Variants in PTPRU observed in about 807,000 individuals in gnomAD.
PTPRU encodes the protein receptor-type tyrosine-protein phosphatase U.
Under a neutral mutation model 166.3 loss-of-function variants are expected in PTPRU, and 69 were observed. The ratio of observed to expected loss-of-function variants is 0.41; its 90% confidence interval spans 0.34 to 0.51. The LOEUF (loss-of-function observed/expected upper bound fraction) is 0.51. Ranked by LOEUF, PTPRU falls within the 20% of genes least tolerant of loss-of-function variation. PTPRU has a pLI of 0.09. For missense variants in PTPRU, 1,657 were observed against 2,013.7 expected (o/e 0.82, Z 3.39); for synonymous variants, 793 against 814.0 (o/e 0.97, Z 0.44).
At chr1:29,299,661 A>C (rs1687050936) in intron 15 of PTPRU, among the ~76,000 whole-genome samples, 1 of 152,004 alleles carries the variant, frequency 6.6e-6, no homozygotes, top group South Asian at 2.1e-4. Context: ...GCCTTTCAGG[A>C]TCTCTGGGAT....
At chr1:29,243,973 G>T (rs565166083) in intron 1 of PTPRU, among the ~76,000 whole-genome samples, 1 of 152,304 alleles carries the variant, frequency 6.6e-6, no homozygotes, top group East Asian at 1.9e-4. Flanking sequence ...TCCAGATGAC[G>T]CAGGAGGTCT....
At position 29,259,991 on chromosome 1, in the gene PTPRU, C is replaced by T. The variant is rs1412449815; in HGVS notation, c.797C>T (p.Ser266Phe). The T allele has an allele frequency of 1.4e-5, 21 of 1,516,684 alleles. 1 individual carries two copies. Among genetic ancestry groups the T allele is most frequent in the Non-Finnish European group, 1.7e-5 (19 of 1,140,726 alleles). The allele number at this position is 1,516,684 out of a possible 1,614,324, so 94.0% of individuals were successfully genotyped here. A position where few individuals can be genotyped will look rare whatever the true frequency, so the allele number is the denominator to read the frequency against. ...GAGCAGGACCTGTACCGCTGTGTGTCCCAGGCCCCGCGCGGCGCGGGCGTC... is the reference window on the plus strand; with the variant it reads ...GAGCAGGACCTGTACCGCTGTGTGTTCCAGGCCCCGCGCGGCGCGGGCGTC... ...RAEQDLYRCV[S>F]QAPRGAGVSN... Residue 266 changes from serine (S) to phenylalanine (F), a missense_variant, in exon 6 of 30, where the codon TCC (serine) becomes TTC (phenylalanine). By Grantham distance (155) the Ser-to-Phe change is radical. Around this residue, in one of 3 missense-constraint regions of PTPRU, gnomAD observed 453 missense variants for 496.9 expected, o/e 0.91. Transcript: ENST00000373779.
intron 15 of PTPRU, among the ~76,000 whole-genome samples, chr1:29,302,216 G>A (rs1557467040): frequency 3.5e-5 from 5 of 144,556 alleles, no homozygotes; most frequent in Non-Finnish European, 4.5e-5. Flanking sequence ...TTTAAAAAAC[G>A]AAAAAAAATT....
At chr1:29,310,345 G>A (rs942997253) in intron 18 of PTPRU, among the ~76,000 whole-genome samples, 8 of 152,040 alleles carry the variant, frequency 5.3e-5, no homozygotes, top group Non-Finnish European at 1.2e-4. Flanking sequence ...GTTATCCCAC[G>A]TGTGGGATCT....
chr1:29,248,551 T>C (rs917589231), intron 1 of PTPRU, among the ~76,000 whole-genome samples: 3 of 152,196 alleles, frequency 2.0e-5, no homozygotes, highest in Admixed American at 6.5e-5. Context: ...CTCTTGGGAA[T>C]TGGATGTTCT....
intron 15 of PTPRU, among the ~76,000 whole-genome samples, chr1:29,292,409 C>T (rs1214563564): frequency 1.3e-5 from 2 of 152,158 alleles, no homozygotes; most frequent in African/African-American, 4.8e-5. Context: ...CTCTCCCTTT[C>T]TTAGCTGTGT....
At chr1:29,252,807 G>C (rs1215410228) in intron 1 of PTPRU, among the ~76,000 whole-genome samples, 2 of 152,194 alleles carry the variant, frequency 1.3e-5, no homozygotes, top group Admixed American at 6.5e-5. Context: ...CAACACAGGA[G>C]GCCTCTGTGA....
intron 14 of PTPRU, among the ~76,000 whole-genome samples, chr1:29,289,027 C>T (rs571290874): frequency 6.6e-6 from 1 of 152,130 alleles, no homozygotes; most frequent in East Asian, 1.9e-4. Context: ...CTAGTTGTGT[C>T]CTGGGCATAC....
At chr1:29,268,510 A>C (rs1685401281) in intron 7 of PTPRU, among the ~76,000 whole-genome samples, 1 of 152,230 alleles carries the variant, frequency 6.6e-6, no homozygotes, top group Admixed American at 6.5e-5. Context: ...AAATGTTCAT[A>C]GTGCTGAGGT....
At chr1:29,242,723 T>G (rs2819605) in intron 1 of PTPRU, among the ~76,000 whole-genome samples, 144,392 of 152,176 alleles carry the variant, frequency 0.95, 68,654 homozygotes, top group Non-Finnish European at 0.99. Context: ...CTTCAGTGAG[T>G]CCTGGGCATC....
In PTPRU at chr1:29,311,742, AC is replaced by A. The variant is rs1190514546; in HGVS notation, c.3056del (p.Thr1019IlefsTer42). 6.2e-7 allele frequency: 1 copy of A among 1,613,938 alleles called. No individual in the cohort carries two copies. Among genetic ancestry groups the A allele is most frequent in the Non-Finnish European group, 8.5e-7 (1 of 1,179,958 alleles). On this transcript the variant is annotated frameshift_variant, in exon 21 of 30. Coordinates refer to ENST00000373779, the MANE Select transcript of PTPRU (RefSeq NM_133178.4). LOFTEE classifies it high-confidence loss of function. The surrounding 1 kb of genome is among the most constrained non-coding windows in gnomAD (Gnocchi z 4.1). ...TETLAEYVVR[T>X]FALERRGYSA... ...GACCCTGGCTGAGTATGTCGTGCGC[AC>A]TTTTGCCCTGGAGCGGGTGAGTCTC...
At chr1:29,261,678 A>G (rs1188665977) in intron 7 of PTPRU, among the ~76,000 whole-genome samples, 1 of 152,086 alleles carries the variant, frequency 6.6e-6, no homozygotes, top group African/African-American at 2.4e-5. Context: ...GATTACAGGC[A>G]TGCTCCACCA....
At chr1:29,307,103 A>T (rs1047101187) in intron 18 of PTPRU, 4 of 1,612,576 alleles carry the variant, frequency 2.5e-6, no homozygotes, top group Non-Finnish European at 3.4e-6. Flanking sequence ...TTTGCTTTGT[A>T]CTGTTTCCTC....
chr1:29,304,728 G>A (rs759172686), intron 16 of PTPRU, 46 bp from the exon 17 acceptor site: 1 of 1,451,320 alleles, frequency 6.9e-7, no homozygotes, highest in Non-Finnish European at 9.5e-7. Flanking sequence ...GGGGCCCTCA[G>A]TGAGGGTCCC....
In PTPRU at chr1:29,260,146, G is replaced by A; in HGVS notation, c.850+102G>A. The stretch of plus-strand genomic sequence containing the variant: ...CGGGGGCGTGGCCGTGGGGGGTGGG[G>A]CCGGCAGGGTGTCGCTGGGGCGCTA... On this transcript the variant is annotated intron_variant, in intron 6 of 29. Transcript: ENST00000373779. This position sits in a 1 kb window ranked among gnomAD's most constrained non-coding sequence, Gnocchi z 8.3. 8.5e-7 allele frequency: 1 copy of A among 1,180,162 alleles called. No individual in the cohort carries two copies. Among genetic ancestry groups the A allele is most frequent in the Non-Finnish European group, 1.1e-6 (1 of 913,336 alleles). The allele number at this position is 1,180,162 out of a possible 1,614,324, so 73.1% of individuals were successfully genotyped here.
intron 17 of PTPRU, among the ~76,000 whole-genome samples, 192 bp from the exon 18 acceptor site, chr1:29,305,160 C>G (rs1235929761): frequency 6.6e-6 from 1 of 152,178 alleles, no homozygotes; most frequent in Non-Finnish European, 1.5e-5. Context: ...CTCCTTGACT[C>G]CATAGCCCAG....
chr1:29,272,073 A>C (rs940030832), intron 7 of PTPRU, among the ~76,000 whole-genome samples: 2 of 152,266 alleles, frequency 1.3e-5, no homozygotes, highest in African/African-American at 4.8e-5. Flanking sequence ...AGAGAGTTGA[A>C]GAATAACGCG....
At chr1:29,269,117 G>A (rs1043269231) in intron 7 of PTPRU, among the ~76,000 whole-genome samples, 1 of 150,640 alleles carries the variant, frequency 6.6e-6, no homozygotes, top group East Asian at 1.9e-4. Flanking sequence ...ATAGCTCACT[G>A]CGTGCAGCCT....
chr1:29,287,322 A>G (rs192278615), intron 14 of PTPRU, among the ~76,000 whole-genome samples: 92 of 152,094 alleles, frequency 6.0e-4, no homozygotes, highest in Non-Finnish European at 1.2e-3. Flanking sequence ...ACCCTTCTCC[A>G]TGGCAGCACT....
Sources: gnomAD v4.1 joint callset for allele counts (sites outside exome capture counted in the v4.1 genomes callset) on GRCh38, gnomAD v4.1.1 for gene constraint, gnomAD v4.1.1 regional missense constraint, Gnocchi (gnomAD v3.1) non-coding constraint, MANE v1.5 for transcripts, NCBI Gene and HGNC (gene_info 2026-07-23, HGNC 2026-07-21) for gene names.